PIGW: variants seen among roughly 807,000 people sequenced by gnomAD.
PIGW encodes glucosaminyl-phosphatidylinositol-acyltransferase PIGW.
In PIGW, 23 loss-of-function variants were observed where a neutral mutation model predicts 34.0. That is an observed-to-expected ratio of 0.68 (90% CI 0.49 to 0.96). The LOEUF is 0.96. Ranked by LOEUF, PIGW falls within the 40% of genes least tolerant of loss-of-function variation. The pLI is 0.00. For missense variants in PIGW, 574 were observed against 586.3 expected (o/e 0.98, Z 0.22); for synonymous variants, 225 against 225.2 (o/e 1.00, Z 0.01).
At position 36,537,931 on chromosome 17, in the gene PIGW, A is replaced by G; in HGVS notation, c.830A>G (p.Asp277Gly). ...ACTGTATTATACCAGCTAGCCCTTGACTTTACCTCACTGAAGAGGTTAATA... is the reference window on the plus strand; with the variant it reads ...ACTGTATTATACCAGCTAGCCCTTGGCTTTACCTCACTGAAGAGGTTAATA... ...GITVLYQLAL[D>G]FTSLKRLILY... The change falls in exon 2 of 2, where the codon GAC (aspartate) becomes GGC (glycine). Residue 277 changes from aspartate to glycine, a missense_variant. Coordinates refer to ENST00000614443, the MANE Select transcript of PIGW (RefSeq NM_001346754.2). 6.2e-7 allele frequency: 1 copy of G among 1,614,074 alleles called. No homozygotes were observed. The highest frequency in any genetic ancestry group is 8.5e-7 in the Non-Finnish European group (1 of 1,180,026).
chr17:36,537,757 T>C lies in PIGW; in HGVS notation c.656T>C (p.Ile219Thr), dbSNP rs1165869015. 1.9e-6 allele frequency: 3 copies of C among 1,614,058 alleles called. No individual in the cohort carries two copies. In the African/African-American group the frequency reaches 4.0e-5, roughly 22 times the overall value. The change falls in exon 2 of 2, where the codon ATT (isoleucine) becomes ACT (threonine). Residue 219 changes from isoleucine to threonine, a missense_variant. Transcript: ENST00000614443. Reference sequence around the variant, plus strand: ...TTCCTAGGAATCGGACGATTAGCCATTATAAAATCAATAGGCTATCAGGAA... The same window carrying C: ...TTCCTAGGAATCGGACGATTAGCCACTATAAAATCAATAGGCTATCAGGAA... ...LVFLGIGRLA[I>T]IKSIGYQEHL...
chr17:36,537,737 A>G lies in PIGW; in HGVS notation c.636A>G (p.Leu212=). Residue 212 remains leucine, a synonymous_variant, in exon 2 of 2, where the codon CTA becomes CTG. Transcript: ENST00000614443. ...SLYSVWPLVF[L]GIGRLAIIKS... ...ACTCTGTTTGGCCATTAGTCTTCCT[A>G]GGAATCGGACGATTAGCCATTATAA... 1.9e-6 allele frequency: 3 copies of G among 1,614,144 alleles called. No homozygotes were observed. The highest frequency in any genetic ancestry group is 8.5e-7 in the Non-Finnish European group (1 of 1,180,010).
Position 36,537,319 on chromosome 17 carries a change from C to G in PIGW, c.218C>G (p.Thr73Ser), listed in dbSNP as rs764730450. The G allele has an allele frequency of 1.2e-6, 2 of 1,613,804 alleles. No homozygotes were observed. The highest frequency in any genetic ancestry group is 1.7e-6 in the Non-Finnish European group (2 of 1,179,974). Residue 73 changes from threonine (T) to serine (S), a missense_variant, in exon 2 of 2, where the codon ACC becomes AGC. Physicochemically the swap from Thr to Ser is moderately conservative, Grantham distance 58 (BLOSUM62 1). Transcript: ENST00000614443. ...ATAGTTCCCATGGTAGCCACTTTGACCATTTGGGCTTCATTTATCCTCCTT... is the reference window on the plus strand; with the variant it reads ...ATAGTTCCCATGGTAGCCACTTTGAGCATTTGGGCTTCATTTATCCTCCTT... ...VLIVPMVATL[T>S]IWASFILLEL... is the part of the protein sequence containing the mutation.
In PIGW at chr17:36,538,034, GTA is replaced by G; in HGVS notation, c.935_936del (p.Tyr312CysfsTer16). On this transcript the variant is annotated frameshift_variant, in exon 2 of 2. Coordinates refer to ENST00000614443, the MANE Select transcript of PIGW (RefSeq NM_001346754.2). LOFTEE classifies it high-confidence loss of function. Reference protein sequence around the residue: ...NREGIISTLGYVAIHMAGVQT... With the variant: ...NREGIISTLGXVAIHMAGVQT... Reference sequence around the variant, plus strand: ...GCGAAGGAATAATCTCTACCCTGGGGTATGTGGCAATACACATGGCTGGTGTG... The same window carrying G: ...GCGAAGGAATAATCTCTACCCTGGGGTGTGGCAATACACATGGCTGGTGTG... The G allele has an allele frequency of 1.2e-6, 2 of 1,614,066 alleles. No homozygotes were observed. The highest frequency in any genetic ancestry group is 1.7e-6 in the Non-Finnish European group (2 of 1,180,016).
At chr17:36,536,851 G>A (rs1298338034) in intron 1 of PIGW, among the ~76,000 whole-genome samples, 1 of 152,106 alleles carries the variant, frequency 6.6e-6, no homozygotes, top group Non-Finnish European at 1.5e-5. Context: ...TCTTGTACAG[G>A]GAATAGCTGA....
chr17:36,535,713 A>G (rs1333669929), intron 1 of PIGW, 121 bp downstream of exon 1: 1 of 152,224 alleles, frequency 6.6e-6, no homozygotes, highest in African/African-American at 2.4e-5. Context: ...GTAGGAGTGC[A>G]GTGGCGCGAT....
At chr17:36,536,966 A>G in intron 1 of PIGW, 128 bp from the exon 2 acceptor site, 1 of 713,440 alleles carries the variant, frequency 1.4e-6, no homozygotes, top group Non-Finnish European at 2.3e-6. Context: ...CACAAATCCT[A>G]GGTGAACTCA....
intron 1 of PIGW, among the ~76,000 whole-genome samples, 185 bp from the exon 2 acceptor site, chr17:36,536,909 G>A (rs900129632): frequency 3.3e-5 from 5 of 152,164 alleles, no homozygotes; most frequent in African/African-American, 9.7e-5. Flanking sequence ...ATTTCTATCT[G>A]AACACATTAG....
chr17:36,537,986 G>A lies in PIGW; in HGVS notation c.885G>A (p.Arg295=), dbSNP rs1199890294. The A allele has an allele frequency of 1.2e-6, 2 of 1,613,930 alleles. No individual in the cohort carries two copies. Among genetic ancestry groups the A allele is most frequent in the Non-Finnish European group, 1.7e-6 (2 of 1,180,048 alleles). Reference sequence around the variant, plus strand: ...ATGGCACTGATGGTAGTGGCACACGGGTTGGTCTATTAAATGCCAACCGCG... The same window carrying A: ...ATGGCACTGATGGTAGTGGCACACGAGTTGGTCTATTAAATGCCAACCGCG... ...ILYGTDGSGT[R]VGLLNANREG... Residue 295 remains arginine (R), a synonymous_variant, in exon 2 of 2, where the codon CGG becomes CGA. Transcript: ENST00000614443.
intron 1 of PIGW, among the ~76,000 whole-genome samples, 169 bp from the exon 2 acceptor site, chr17:36,536,925 A>G (rs2074147093): frequency 1.3e-5 from 2 of 152,354 alleles, no homozygotes; most frequent in Admixed American, 6.5e-5. Flanking sequence ...ATTAGTGTTA[A>G]GCTTCTTCCC....
chr17:36,537,654 GT>G lies in PIGW; in HGVS notation c.554del (p.Val185AlafsTer25). The G allele has an allele frequency of 6.2e-7, 1 of 1,614,146 alleles. No homozygotes were observed. Among genetic ancestry groups the G allele is most frequent in the Non-Finnish European group, 8.5e-7 (1 of 1,180,024 alleles). ...VFGSAMVCLE[V>X]RRRKYMEGSK... is the part of the protein sequence containing the mutation. ...TGGGTCTGCAATGGTTTGTCTAGAG[GT>G]CAGGAGGAGAAAATATATGGAAGGG... On this transcript the variant is annotated frameshift_variant, in exon 2 of 2. Transcript: ENST00000614443. LOFTEE classifies it high-confidence loss of function.
Position 36,535,137 on chromosome 17 carries a change from T to C in PIGW, c.-464T>C, listed in dbSNP as rs1215492689. The stretch of plus-strand genomic sequence containing the variant: ...CTGGGGGAGAAGCGCGGAAGCACGG[T>C]TTCCTGGGCCTTCGGGCGACACCAG... On this transcript the variant is annotated 5_prime_UTR_variant, in exon 1 of 2. Transcript: ENST00000614443. 1.3e-5 allele frequency: 2 copies of C among 150,224 alleles called. No individual in the cohort carries two copies. Among genetic ancestry groups the C allele is most frequent in the Non-Finnish European group, 2.9e-5 (2 of 68,086 alleles). The allele number at this position is 150,224 out of a possible 1,614,324, so 9.3% of individuals were successfully genotyped here. A position where few individuals can be genotyped will look rare whatever the true frequency, so the allele number is the denominator to read the frequency against.
rs773053399 is a variant in PIGW at position 36,537,156 on chromosome 17, G to A, written c.55G>A (p.Val19Met). The A allele has an allele frequency of 3.8e-5, 61 of 1,613,318 alleles. No homozygotes were observed. Among genetic ancestry groups the A allele is most frequent in the Non-Finnish European group, 4.5e-5 (53 of 1,179,788 alleles). The stretch of plus-strand genomic sequence containing the variant: ...TGTCAGTAACCTCAATGGAACCACC[G>A]TGCTGGAAATCACCCAGGGATTGTG... Reference protein sequence around the residue: ...AFVSNLNGTTVLEITQGLCFP... With the variant: ...AFVSNLNGTTMLEITQGLCFP... Residue 19 changes from valine to methionine, a missense_variant, in exon 2 of 2, where the codon GTG (valine) becomes ATG (methionine). Transcript: ENST00000614443.
Position 36,538,291 on chromosome 17 carries a change from T to G in PIGW, c.1190T>G (p.Phe397Cys). The G allele has an allele frequency of 6.2e-7, 1 of 1,613,468 alleles. No homozygotes were observed. The highest frequency in any genetic ancestry group is 8.5e-7 in the Non-Finnish European group (1 of 1,179,862). ...TTACTGGGTGATATAATTTTGAGTT[T>G]TGCCAAATTTCTAATTAAAGGAGCT... ...SLLLGDIILS[F>C]AKFLIKGALV... The change falls in exon 2 of 2, where the codon TTT (phenylalanine) becomes TGT (cysteine). Residue 397 changes from phenylalanine to cysteine, a missense_variant. Physicochemically the swap from Phe to Cys is radical, Grantham distance 205. Coordinates refer to ENST00000614443, the MANE Select transcript of PIGW (RefSeq NM_001346754.2).
rs1272644605 is a variant in PIGW at position 36,538,759 on chromosome 17, TA to T, written c.*144del. The T allele has an allele frequency of 2.2e-4, 170 of 758,052 alleles. No individual in the cohort carries two copies. Among genetic ancestry groups the T allele is most frequent in the Non-Finnish European group, 3.0e-4 (144 of 483,348 alleles). The allele number at this position is 758,052 out of a possible 1,614,324, so 47.0% of individuals were successfully genotyped here. A position where few individuals can be genotyped will look rare whatever the true frequency, so the allele number is the denominator to read the frequency against. On this transcript the variant is annotated 3_prime_UTR_variant, in exon 2 of 2. Transcript: ENST00000614443. ...CATCTAAACAGCAGTGATGCTTAAT[TA>T]TTTTTTTTTTTGAGACAGAGTCTTG...
chr17:36,537,748 G>A lies in PIGW; in HGVS notation c.647G>A (p.Arg216Gln), dbSNP rs764219730. The A allele has an allele frequency of 1.3e-5, 21 of 1,614,096 alleles. No homozygotes were observed. The highest frequency in any genetic ancestry group is 5.0e-5 in the Admixed American group (3 of 60,022). Residue 216 changes from arginine (R) to glutamine (Q), a missense_variant, in exon 2 of 2, where the codon CGA becomes CAA. Arg to Gln is a conservative substitution (Grantham distance 43, BLOSUM62 1). Coordinates refer to ENST00000614443, the MANE Select transcript of PIGW (RefSeq NM_001346754.2). ...VWPLVFLGIG[R>Q]LAIIKSIGYQ... ...CCATTAGTCTTCCTAGGAATCGGACGATTAGCCATTATAAAATCAATAGGC... is the reference window on the plus strand; with the variant it reads ...CCATTAGTCTTCCTAGGAATCGGACAATTAGCCATTATAAAATCAATAGGC...
Position 36,539,236 on chromosome 17 carries a change from A to T in PIGW, c.*620A>T, listed in dbSNP as rs1297111905. The stretch of plus-strand genomic sequence containing the variant: ...TTAATGTAACCTTATGCTATTCTGT[A>T]TTTTTACTGTATATTGCTTTTACAA... On this transcript the variant is annotated 3_prime_UTR_variant, in exon 2 of 2. Transcript: ENST00000614443. The T allele has an allele frequency of 6.0e-6, 1 of 167,000 alleles. No homozygotes were observed. Among genetic ancestry groups the T allele is most frequent in the African/African-American group, 2.4e-5 (1 of 41,412 alleles). 10.3% of individuals were successfully genotyped at this position (167,000 alleles called of 1,614,324 possible). A position where few individuals can be genotyped will look rare whatever the true frequency, so the allele number is the denominator to read the frequency against.
chr17:36,537,947 G>T lies in PIGW; in HGVS notation c.846G>T (p.Lys282Asn), dbSNP rs376168486. 7.4e-6 allele frequency: 12 copies of T among 1,614,080 alleles called. No individual in the cohort carries two copies. In the South Asian group the frequency reaches 1.3e-4, roughly 18 times the overall value. Reference protein sequence around the residue: ...YQLALDFTSLKRLILYGTDGS... With the variant: ...YQLALDFTSLNRLILYGTDGS... ...TAGCCCTTGACTTTACCTCACTGAA[G>T]AGGTTAATATTATATGGCACTGATG... The change falls in exon 2 of 2, where the codon AAG (lysine) becomes AAT (asparagine). Residue 282 changes from lysine to asparagine, a missense_variant. Transcript: ENST00000614443.
chr17:36,537,646 G>T lies in PIGW; in HGVS notation c.545G>T (p.Cys182Phe), dbSNP rs1243001095. Residue 182 changes from cysteine to phenylalanine, a missense_variant, in exon 2 of 2, where the codon TGT (cysteine) becomes TTT (phenylalanine). By Grantham distance (205) the Cys-to-Phe change is radical. Transcript: ENST00000614443. The part of the protein sequence containing the change: ...GGFVFGSAMV[C>F]LEVRRRKYME... ...TTTGTTTTTGGGTCTGCAATGGTTT[G>T]TCTAGAGGTCAGGAGGAGAAAATAT... The T allele has an allele frequency of 1.2e-6, 2 of 1,614,132 alleles. No individual in the cohort carries two copies. The highest frequency in any genetic ancestry group is 1.7e-6 in the Non-Finnish European group (2 of 1,180,018).
Sources: gnomAD v4.1 joint callset for allele counts (sites outside exome capture counted in the v4.1 genomes callset) on GRCh38, gnomAD v4.1.1 for gene constraint, MANE v1.5 for transcripts, NCBI Gene and HGNC (gene_info 2026-07-23, HGNC 2026-07-21) for gene names.